The following RANBP2 variants were observed in gnomAD, a reference collection of about 807,000 sequenced individuals.
RANBP2 encodes the protein RAN binding protein 2, also known as E3 SUMO-protein ligase RanBP2.
In RANBP2, 57 loss-of-function variants were observed where a neutral mutation model predicts 303.6. The observed-to-expected ratio is 0.19, with a 90% CI of 0.15 to 0.23. RANBP2 has a LOEUF of 0.23. Among genes scored for constraint, RANBP2 ranks in the 10% least tolerant of loss-of-function variants. The pLI is 1.00. For missense variants in RANBP2, 3,138 were observed against 3,780.8 expected, an observed-to-expected ratio of 0.83 and a Z score of 4.46; for synonymous variants, 1,167 against 1,301.5, an observed-to-expected ratio of 0.90 and a Z score of 2.23.
the RANBP2 span, among the ~76,000 whole-genome samples, chr2:109,123,852 A>G: frequency 2.6e-5 from 4 of 152,304 alleles, no homozygotes; most frequent in East Asian, 3.9e-4. Flanking sequence ...CTTCAAGGGA[A>G]GGGCTAGGAC....
At chr2:109,251,011 AT>A in the RANBP2 span, among the ~76,000 whole-genome samples, 4 of 150,562 alleles carry the variant, frequency 2.7e-5, no homozygotes, top group East Asian at 1.9e-4. Context: ...TTATTTATTT[AT>A]TTTTTTTGAG....
rs751495132 is a variant in RANBP2, at chr2:108,764,683, A to T, written c.4144A>T (p.Asn1382Tyr). 1 of 1,614,050 alleles carries T rather than the reference A, an allele frequency of 6.2e-7. No homozygotes were observed. The highest frequency in any genetic ancestry group is 1.7e-5 in the Admixed American group (1 of 60,010). Residue 1382 changes from asparagine to tyrosine, a missense_variant, in exon 20 of 29, where the codon AAT becomes TAT. Asn to Tyr is a moderately radical substitution (Grantham distance 143, BLOSUM62 -2). Around this residue, in one of 20 missense-constraint regions of RANBP2, gnomAD observed 388 missense variants for 328.5 expected, o/e 1.18. Transcript: ENST00000283195. ...ATCATGCCAAAATCTAAACCCAAGC[A>T]ATAAAGAGCTCGTTGGCCCACCATT... ...CVSCQNLNPSNKELVGPPLAE... is the reference protein window; with the variant it reads ...CVSCQNLNPSYKELVGPPLAE...
At position 108,783,774 on chromosome 2, in the gene RANBP2, A is replaced by C; in HGVS notation, c.9548A>C (p.Asp3183Ala). Reference protein sequence around the residue: ...VITLKKAEHLDFKHVVFGFVK... With the variant: ...VITLKKAEHLAFKHVVFGFVK... ...ACACTGAAGAAAGCAGAACATTTGG[A>C]CTTTAAGCATGTAGTATTTGGGTTT... Residue 3183 changes from aspartate (D) to alanine (A), a missense_variant, in exon 29 of 29, where the codon GAC becomes GCC. By Grantham distance (126) the Asp-to-Ala change is moderately radical. Coordinates refer to ENST00000283195, the MANE Select transcript of RANBP2 (RefSeq NM_006267.5). The C allele has an allele frequency of 6.2e-7, 1 of 1,612,696 alleles. No individual in the cohort carries two copies. Among genetic ancestry groups the C allele is most frequent in the Non-Finnish European group, 8.5e-7 (1 of 1,178,748 alleles).
the RANBP2 span, among the ~76,000 whole-genome samples, chr2:108,814,457 C>G: frequency 6.6e-6 from 1 of 151,864 alleles, no homozygotes; most frequent in African/African-American, 2.4e-5. Flanking sequence ...AAGTTTTCAT[C>G]TAAAGGGAGT....
At chr2:109,734,270 TC>T in the RANBP2 span, among the ~76,000 whole-genome samples, 1 of 150,746 alleles carries the variant, frequency 6.6e-6, no homozygotes, top group Non-Finnish European at 1.5e-5. Context: ...CCCCAGAGAA[TC>T]CACAAGAAAG....
the RANBP2 span, among the ~76,000 whole-genome samples, chr2:109,459,848 A>G: frequency 1.3e-5 from 2 of 152,214 alleles, no homozygotes; most frequent in Non-Finnish European, 2.9e-5. Context: ...ACTAGGGGTC[A>G]TAATAAGTGG....
At chr2:108,945,409 G>C in the RANBP2 span, among the ~76,000 whole-genome samples, 1 of 152,104 alleles carries the variant, frequency 6.6e-6, no homozygotes, top group Non-Finnish European at 1.5e-5. Context: ...GAGTATGCTG[G>C]TACTAAAATA....
At chr2:108,975,482 C>G in the RANBP2 span, among the ~76,000 whole-genome samples, 1 of 152,152 alleles carries the variant, frequency 6.6e-6, no homozygotes, top group South Asian at 2.1e-4. Flanking sequence ...ACCTGGGACC[C>G]TAGCCTGGGT....
chr2:109,380,126 C>T, the RANBP2 span, among the ~76,000 whole-genome samples: 2 of 152,266 alleles, frequency 1.3e-5, no homozygotes, highest in South Asian at 4.2e-4. Context: ...AAGGCGTGAT[C>T]CACACATACA....
the RANBP2 span, among the ~76,000 whole-genome samples, chr2:109,201,714 G>A: frequency 1.3e-5 from 2 of 152,222 alleles, no homozygotes; most frequent in Non-Finnish European, 2.9e-5. Context: ...CGCCTTGCAT[G>A]GAGAGCCACG....
the RANBP2 span, among the ~76,000 whole-genome samples, chr2:109,376,735 C>T: frequency 7.9e-5 from 12 of 152,336 alleles, no homozygotes; most frequent in South Asian, 1.7e-3. Flanking sequence ...CTGGTGTGTG[C>T]GTGAGTGGTC....
chr2:109,369,323 T>C, the RANBP2 span, among the ~76,000 whole-genome samples: 6 of 152,094 alleles, frequency 3.9e-5, no homozygotes, highest in African/African-American at 1.2e-4. Flanking sequence ...CACTCCAGTC[T>C]GGCGACAGCA....
the RANBP2 span, among the ~76,000 whole-genome samples, chr2:109,092,245 T>C: frequency 6.6e-6 from 1 of 152,116 alleles, no homozygotes; most frequent in African/African-American, 2.4e-5. Flanking sequence ...GGCCTGTCTT[T>C]TGGTAAGCGC....
At chr2:109,389,419 C>T in the RANBP2 span, among the ~76,000 whole-genome samples, 4 of 152,206 alleles carry the variant, frequency 2.6e-5, no homozygotes, top group South Asian at 2.1e-4. Context: ...ACATCTTGAC[C>T]GAGGGCATAC....
chr2:109,316,456 A>G, the RANBP2 span, among the ~76,000 whole-genome samples: 47,393 of 152,020 alleles, frequency 0.31, 9,148 homozygotes, highest in African/African-American at 0.55. Flanking sequence ...TGTGATCTTC[A>G]CTACACACAG....
At chr2:109,306,364 C>T in the RANBP2 span, among the ~76,000 whole-genome samples, 1 of 152,244 alleles carries the variant, frequency 6.6e-6, no homozygotes, top group Non-Finnish European at 1.5e-5. Flanking sequence ...CATACTCCAG[C>T]AGCACCTGCA....
chr2:109,738,561 C>G, the RANBP2 span, among the ~76,000 whole-genome samples: 1 of 152,122 alleles, frequency 6.6e-6, no homozygotes, highest in Non-Finnish European at 1.5e-5. Flanking sequence ...CTCAGGTGAT[C>G]TGCCCACCTC....
the RANBP2 span, among the ~76,000 whole-genome samples, chr2:109,705,334 A>G: frequency 5.9e-5 from 9 of 151,444 alleles, no homozygotes; most frequent in Admixed American, 1.3e-4. Flanking sequence ...TGAACCCGGG[A>G]AGTGGAGATT....
chr2:108,783,649 C>T lies in RANBP2; in HGVS notation c.9423C>T (p.Asp3141=). 1 of 1,612,056 alleles carries T rather than the reference C, an allele frequency of 6.2e-7. No individual in the cohort carries two copies. The highest frequency in any genetic ancestry group is 8.5e-7 in the Non-Finnish European group (1 of 1,178,278). Residue 3141 remains aspartate, a synonymous_variant, in exon 29 of 29, where the codon GAC becomes GAT. Transcript: ENST00000283195. Reference sequence around the variant, plus strand: ...CAGGCGGACAGTCCATTTATGGAGACAAATTTGAAGATGAAAATTTTGATG... The same window carrying T: ...CAGGCGGACAGTCCATTTATGGAGATAAATTTGAAGATGAAAATTTTGATG... ...DGTGGQSIYG[D]KFEDENFDVK...
Sources: gnomAD v4.1 joint callset for allele counts (sites outside exome capture counted in the v4.1 genomes callset) on GRCh38, gnomAD v4.1.1 for gene constraint, gnomAD v4.1.1 regional missense constraint, MANE v1.5 for transcripts, NCBI Gene and HGNC (gene_info 2026-07-23, HGNC 2026-07-21) for gene names.